ACSL5: variants seen among roughly 807,000 people sequenced by gnomAD.
ACSL5 encodes acyl-CoA synthetase long chain family member 5, also known as long-chain-fatty-acid--CoA ligase 5.
A neutral mutation model predicts 84.9 loss-of-function variants in ACSL5; 50 were observed. That is an observed-to-expected ratio of 0.59 (90% CI 0.47 to 0.75). The LOEUF (loss-of-function observed/expected upper bound fraction) is 0.75, where lower values mean the gene tolerates loss of function less well. ACSL5 is among the 30% of genes least tolerant of loss of function. ACSL5 has a pLI of 0.00. For missense variants in ACSL5, 775 were observed against 830.4 expected (o/e 0.93, Z 0.82); for synonymous variants, 280 against 300.7 (o/e 0.93, Z 0.71).
chr10:112,427,960 C>A lies in ACSL5; in HGVS notation c.*602C>A, dbSNP rs1440953698. On this transcript the variant is annotated 3_prime_UTR_variant, in exon 21 of 21. Coordinates refer to ENST00000354655, the MANE Select transcript of ACSL5 (RefSeq NM_203379.2). ...TACTGAAGGGAAAAGTTTGATCATA[C>A]CAAACATTTCCTAAACTCTCTAGTT... 1 of 153,826 alleles carries A rather than the reference C, an allele frequency of 6.5e-6. No individual in the cohort carries two copies. Among genetic ancestry groups the A allele is most frequent in the African/African-American group, 2.4e-5 (1 of 41,520 alleles). The allele number at this position is 153,826 out of a possible 1,614,324, so 9.5% of individuals were successfully genotyped here. A position where few individuals can be genotyped will look rare whatever the true frequency, so the allele number is the denominator to read the frequency against.
At chr10:112,375,157 C>T (rs1207897887) in intron 1 of ACSL5, 1 of 152,112 alleles carries the variant, frequency 6.6e-6, no homozygotes, top group Non-Finnish European at 1.5e-5. Context: ...GGCTGAGATT[C>T]GACACCCACT....
chr10:112,428,265 C>T lies in ACSL5; in HGVS notation c.*907C>T. ...ACAGGCTTATTTTCTGTGAAGGAAC[C>T]AACTGATCTCCCCCACCCTTGGATT... On this transcript the variant is annotated 3_prime_UTR_variant, in exon 21 of 21. Coordinates refer to ENST00000354655, the MANE Select transcript of ACSL5 (RefSeq NM_203379.2). 2.6e-6 allele frequency: 1 copy of T among 388,008 alleles called. No individual in the cohort carries two copies. 24.0% of individuals were successfully genotyped at this position (388,008 alleles called of 1,614,324 possible). A position where few individuals can be genotyped will look rare whatever the true frequency, so the allele number is the denominator to read the frequency against.
intron 3 of ACSL5, 27 bp from the exon 4 acceptor site, chr10:112,404,484 G>T: frequency 1.9e-6 from 3 of 1,592,380 alleles, no homozygotes; most frequent in South Asian, 1.1e-5. Context: ...AACTGGAGTT[G>T]ATTTTCTTTT....
intron 15 of ACSL5, 123 bp from the exon 16 acceptor site, chr10:112,421,824 C>A: frequency 1.5e-6 from 2 of 1,292,406 alleles, no homozygotes; most frequent in South Asian, 1.2e-5. Flanking sequence ...GGCTAGTCTG[C>A]ATTGGTGCCA....
intron 1 of ACSL5, among the ~76,000 whole-genome samples, chr10:112,377,673 A>G (rs1293869390): frequency 1.3e-5 from 2 of 152,214 alleles, no homozygotes; most frequent in Non-Finnish European, 2.9e-5. Context: ...CCTCCGATTG[A>G]TCAGTATTCA....
At chr10:112,374,793 G>A (rs1166667963) in intron 1 of ACSL5, among the ~76,000 whole-genome samples, 3 of 152,132 alleles carry the variant, frequency 2.0e-5, no homozygotes, top group African/African-American at 4.8e-5. Context: ...GGCATAGTGC[G>A]TCTCCAGGCT....
intron 1 of ACSL5, among the ~76,000 whole-genome samples, chr10:112,383,328 A>C (rs1849387359): frequency 1.3e-5 from 2 of 152,146 alleles, no homozygotes; most frequent in South Asian, 2.1e-4. Flanking sequence ...AAATAAATAA[A>C]ATAAGGCCCT....
At position 112,427,570 on chromosome 10, in the gene ACSL5, A is replaced by G; in HGVS notation, c.*212A>G. The G allele has an allele frequency of 2.5e-6, 1 of 395,492 alleles. No individual in the cohort carries two copies. The highest frequency in any genetic ancestry group is 4.4e-6 in the Non-Finnish European group (1 of 227,104). 24.5% of individuals were successfully genotyped at this position (395,492 alleles called of 1,614,324 possible). A position where few individuals can be genotyped will look rare whatever the true frequency, so the allele number is the denominator to read the frequency against. On this transcript the variant is annotated 3_prime_UTR_variant, in exon 21 of 21. Transcript: ENST00000354655. Reference sequence around the variant, plus strand: ...TGTCTTTCCCATCTTCGATGTTGCTAATATTAAGGCTTCAGGGCTACTTTT... The same window carrying G: ...TGTCTTTCCCATCTTCGATGTTGCTGATATTAAGGCTTCAGGGCTACTTTT...
intron 1 of ACSL5, chr10:112,376,289 C>G (rs1317026423): frequency 6.2e-7 from 1 of 1,614,026 alleles, no homozygotes; most frequent in Non-Finnish European, 8.5e-7. Context: ...TGGGGACACT[C>G]TGGGCCGGCC....
chr10:112,382,152 A>G (rs187725134), intron 1 of ACSL5, among the ~76,000 whole-genome samples: 18 of 152,304 alleles, frequency 1.2e-4, no homozygotes, highest in African/African-American at 4.1e-4. Context: ...CCAAATGGAT[A>G]CATTATGAGG....
rs547749226 is a variant in ACSL5, at chr10:112,426,708, A to G, written c.1840-80A>G. 432 of 1,240,776 alleles carry G rather than the reference A, an allele frequency of 3.5e-4. 6 individuals are homozygous for G. The South Asian group carries it at 5.0e-3, about 14-fold the overall frequency. The allele number at this position is 1,240,776 out of a possible 1,614,324, so 76.9% of individuals were successfully genotyped here. ...TGCTTTCATACTGCATGGCTTTGAC[A>G]GGCACTTTGAGTTGGTTCATGCTTA... On this transcript the variant is annotated intron_variant, in intron 19 of 20. Coordinates refer to ENST00000354655, the MANE Select transcript of ACSL5 (RefSeq NM_203379.2).
chr10:112,379,424 A>AG (rs1467666685), intron 1 of ACSL5, among the ~76,000 whole-genome samples: 1 of 151,428 alleles, frequency 6.6e-6, no homozygotes, highest in Non-Finnish European at 1.5e-5. Flanking sequence ...GAAAAAAAAA[A>AG]AAAAGAGATG....
intron 3 of ACSL5, among the ~76,000 whole-genome samples, chr10:112,399,271 T>C (rs925610532): frequency 3.9e-5 from 6 of 152,256 alleles, no homozygotes; most frequent in African/African-American, 1.2e-4. Context: ...TCTCTGAATC[T>C]GTTTCTCAAC....
In ACSL5 at chr10:112,411,985, T is replaced by C. The variant is rs1398007183; in HGVS notation, c.948+6T>C. 6.2e-7 allele frequency: 1 copy of C among 1,608,090 alleles called. No homozygotes were observed. Among genetic ancestry groups the C allele is most frequent in the South Asian group, 1.1e-5 (1 of 90,950 alleles). On this transcript the variant is annotated splice_donor_region_variant and intron_variant, in intron 11 of 20. Coordinates refer to ENST00000354655, the MANE Select transcript of ACSL5 (RefSeq NM_203379.2). ...TGTTTGAGAGGATTGTACAGGTGAG[T>C]GTTCTGTGTTCCTAGCAGTATGTGG...
chr10:112,390,052 G>A (rs559324427), intron 1 of ACSL5, among the ~76,000 whole-genome samples: 1 of 151,966 alleles, frequency 6.6e-6, no homozygotes, highest in Non-Finnish European at 1.5e-5. Flanking sequence ...AACATAGTGA[G>A]ACACCATATC....
intron 2 of ACSL5, among the ~76,000 whole-genome samples, chr10:112,398,693 C>T (rs1015029448): frequency 2.0e-5 from 3 of 152,170 alleles, no homozygotes; most frequent in African/African-American, 7.2e-5. Flanking sequence ...GCGTGAGCCA[C>T]CGAGCCCAGC....
intron 1 of ACSL5, among the ~76,000 whole-genome samples, chr10:112,375,773 C>T (rs1849226269): frequency 1.3e-5 from 2 of 152,250 alleles, no homozygotes; most frequent in African/African-American, 4.8e-5. Context: ...GAACGACTCA[C>T]AGCCCTGTCG....
rs879295674 is a variant in ACSL5, at chr10:112,427,452, A to AT, written c.*103dup. On this transcript the variant is annotated 3_prime_UTR_variant, in exon 21 of 21. Coordinates refer to ENST00000354655, the MANE Select transcript of ACSL5 (RefSeq NM_203379.2). ...TTACATTTGTTTTGCCTTTCCTCCTATTTTTTTTTAACCTGTTAAACTCTA... is the reference window on the plus strand; with the variant it reads ...TTACATTTGTTTTGCCTTTCCTCCTATTTTTTTTTTAACCTGTTAAACTCTA... The AT allele has an allele frequency of 1.8e-3, 2,230 of 1,218,280 alleles. No individual in the cohort carries two copies. The highest frequency in any genetic ancestry group is 2.3e-3 in the South Asian group (123 of 53,714). The allele number at this position is 1,218,280 out of a possible 1,614,324, so 75.5% of individuals were successfully genotyped here. A position where few individuals can be genotyped will look rare whatever the true frequency, so the allele number is the denominator to read the frequency against.
intron 20 of ACSL5, 59 bp downstream of exon 20, chr10:112,426,918 C>A: frequency 1.5e-6 from 2 of 1,366,756 alleles, no homozygotes; most frequent in Non-Finnish European, 1.0e-6. Flanking sequence ...TTTAAAGTTT[C>A]CATCTAATGA....
Sources: allele counts gnomAD v4.1 joint callset (sites outside exome capture counted in the v4.1 genomes callset), GRCh38; gene constraint gnomAD v4.1.1; transcripts MANE v1.5; gene names NCBI Gene and HGNC (gene_info 2026-07-23, HGNC 2026-07-21).